The following RIC1 variants were observed in gnomAD, a reference collection of about 807,000 sequenced individuals.
The protein encoded by RIC1 is guanine nucleotide exchange factor subunit RIC1.
A neutral mutation model predicts 169.0 loss-of-function variants in RIC1; 88 were observed. That is an observed-to-expected ratio of 0.52 (90% CI 0.44 to 0.62). RIC1 has a LOEUF of 0.62. RIC1 is among the 20% of genes least tolerant of loss of function. The pLI is 0.00. For missense variants in RIC1, 1,877 were observed against 1,725.5 expected (o/e 1.09, Z -1.56); for synonymous variants, 790 against 601.5 (o/e 1.31, Z -4.59).
chr9:5,725,813 T>G (rs570503220), intron 6 of RIC1, among the ~76,000 whole-genome samples: 1 of 152,358 alleles, frequency 6.6e-6, no homozygotes, highest in East Asian at 1.9e-4. Flanking sequence ...CATTTCGTTA[T>G]GTACCCAGTA....
intron 3 of RIC1, among the ~76,000 whole-genome samples, chr9:5,694,429 G>A (rs1007482744): frequency 2.0e-5 from 3 of 152,128 alleles, no homozygotes; most frequent in Non-Finnish European, 4.4e-5. Flanking sequence ...AAGTATGTTA[G>A]TGATCTTGAT....
At chr9:5,681,147 G>A (rs919657420) in intron 2 of RIC1, among the ~76,000 whole-genome samples, 7 of 151,726 alleles carry the variant, frequency 4.6e-5, no homozygotes, top group African/African-American at 9.7e-5. Flanking sequence ...AGGTTTTTTT[G>A]TGTCTCTATT....
At chr9:5,655,178 G>A (rs1255591688) in intron 1 of RIC1, among the ~76,000 whole-genome samples, 2 of 152,190 alleles carry the variant, frequency 1.3e-5, no homozygotes, top group East Asian at 1.9e-4. Context: ...GCAGGAAAGC[G>A]TTGAGCTGTA....
Position 5,765,552 on chromosome 9 carries a change from C to T in RIC1, c.2980C>T (p.Pro994Ser), listed in dbSNP as rs779573526. 2 of 1,610,524 alleles carry T rather than the reference C, an allele frequency of 1.2e-6. No homozygotes were observed. Among genetic ancestry groups the T allele is most frequent in the African/African-American group, 2.7e-5 (2 of 73,714 alleles). Residue 994 changes from proline to serine, a missense_variant, in exon 20 of 26, where the codon CCA becomes TCA. Physicochemically the swap from Pro to Ser is moderately conservative, Grantham distance 74. This residue lies in a region of RIC1 where 681 missense variants were observed against 582.0 expected (regional missense o/e 1.17). Coordinates refer to ENST00000414202, the MANE Select transcript of RIC1 (RefSeq NM_020829.4). ...AIGSGESETP[P>S]STPTAQEPSS... ...TGGCTCTGGAGAATCTGAGACACCT[C>T]CATCCACACCCACAGCTCAGGTTAG...
At chr9:5,684,174 C>T (rs574423078) in intron 2 of RIC1, among the ~76,000 whole-genome samples, 1 of 149,336 alleles carries the variant, frequency 6.7e-6, no homozygotes, top group African/African-American at 2.5e-5. Context: ...GTGAGATGAA[C>T]CCGGCATCTC....
chr9:5,696,409 C>G (rs751403726), intron 3 of RIC1, among the ~76,000 whole-genome samples: 1 of 152,076 alleles, frequency 6.6e-6, no homozygotes, highest in Non-Finnish European at 1.5e-5. Flanking sequence ...CCCCTGCTAT[C>G]TTTTTTTATG....
intron 2 of RIC1, among the ~76,000 whole-genome samples, chr9:5,685,850 T>C (rs1310073079): frequency 1.5e-5 from 2 of 134,270 alleles, no homozygotes; most frequent in African/African-American, 5.2e-5. Context: ...ACCTACAACA[T>C]GGGAGAAAAT....
chr9:5,693,040 C>T (rs1047318475), intron 3 of RIC1, among the ~76,000 whole-genome samples: 1 of 152,050 alleles, frequency 6.6e-6, no homozygotes, highest in Non-Finnish European at 1.5e-5. Flanking sequence ...AATATACTGT[C>T]TCAACCCTGT....
At chr9:5,663,153 A>C (rs1032154447) in intron 2 of RIC1, among the ~76,000 whole-genome samples, 1 of 152,088 alleles carries the variant, frequency 6.6e-6, no homozygotes, top group Non-Finnish European at 1.5e-5. Flanking sequence ...TGAATTTCTT[A>C]ATTCTTCTGA....
rs1192999581 is a variant in RIC1, at chr9:5,769,030, T to C, written c.3198T>C (p.His1066=). 9.3e-6 allele frequency: 15 copies of C among 1,614,096 alleles called. No homozygotes were observed. Among genetic ancestry groups the C allele is most frequent in the Non-Finnish European group, 1.2e-5 (14 of 1,179,974 alleles). The change falls in exon 22 of 26, where the codon CAT becomes CAC. Residue 1066 remains histidine (H), a synonymous_variant. Transcript: ENST00000414202. ...NMYIDMMLWR[H]ARRLLEDVRL... ...ATATTGACATGATGCTCTGGAGACA[T>C]GCTCGGCGCCTCTTAGAAGATGTGA...
chr9:5,738,985 T>C (rs536835616), intron 8 of RIC1, among the ~76,000 whole-genome samples: 170 of 152,246 alleles, frequency 1.1e-3, no homozygotes, highest in African/African-American at 4.0e-3. Flanking sequence ...CCATTTTGTA[T>C]TTAAATTTTG....
intron 8 of RIC1, among the ~76,000 whole-genome samples, chr9:5,742,376 T>C (rs529982619): frequency 4.4e-4 from 67 of 152,318 alleles, no homozygotes; most frequent in Non-Finnish European, 7.9e-4. Context: ...TTAAGTATTC[T>C]ATTCACCATC....
rs1312733503 is a variant in RIC1, at chr9:5,769,213, C to G, written c.3381C>G (p.Ala1127=). ...DFLWPLPIIP[A]SSISSPFKNG... ...TGTGGCCACTTCCAATCATCCCAGC[C>G]TCTTCTATCAGTTCTCCTTTCAAAA... is the stretch of plus-strand genomic sequence containing the variant. The change falls in exon 22 of 26, where the codon GCC becomes GCG. Residue 1127 remains alanine, a synonymous_variant. Coordinates refer to ENST00000414202, the MANE Select transcript of RIC1 (RefSeq NM_020829.4). 2.5e-6 allele frequency: 4 copies of G among 1,614,024 alleles called. No individual in the cohort carries two copies. Among genetic ancestry groups the G allele is most frequent in the Non-Finnish European group, 3.4e-6 (4 of 1,180,004 alleles).
At chr9:5,630,503 A>T (rs1380255627) in intron 1 of RIC1, among the ~76,000 whole-genome samples, 1 of 152,146 alleles carries the variant, frequency 6.6e-6, no homozygotes, top group Non-Finnish European at 1.5e-5. Context: ...TTGCTGTTCC[A>T]TTACCTGTAA....
chr9:5,697,555 T>G (rs887440554), intron 3 of RIC1, among the ~76,000 whole-genome samples: 1 of 148,864 alleles, frequency 6.7e-6, no homozygotes, highest in African/African-American at 2.6e-5. Flanking sequence ...AAGATATCAT[T>G]ATTTCATTTC....
intron 2 of RIC1, among the ~76,000 whole-genome samples, chr9:5,673,144 C>G (rs1298115403): frequency 6.6e-6 from 1 of 151,922 alleles, no homozygotes; most frequent in Non-Finnish European, 1.5e-5. Flanking sequence ...ACCATACCAT[C>G]CATGTTAGGT....
chr9:5,635,910 T>G (rs1049040355), intron 1 of RIC1, among the ~76,000 whole-genome samples: 1 of 152,262 alleles, frequency 6.6e-6, no homozygotes, highest in Non-Finnish European at 1.5e-5. Flanking sequence ...CTGAATCTAT[T>G]CAACCTTTCT....
intron 1 of RIC1, among the ~76,000 whole-genome samples, chr9:5,650,998 A>ATT (rs1818770607): frequency 6.6e-6 from 1 of 152,138 alleles, no homozygotes; most frequent in African/African-American, 2.4e-5. Flanking sequence ...TGGACTGAAA[A>ATT]TGACACCATG....
intron 21 of RIC1, 103 bp downstream of exon 21, chr9:5,765,901 A>C (rs1352844361): frequency 1.4e-6 from 2 of 1,388,794 alleles, no homozygotes; most frequent in Non-Finnish European, 2.0e-6. Flanking sequence ...TATTTAATCC[A>C]ATTGCAGTTT....
Sources: gnomAD v4.1 joint callset for allele counts (sites outside exome capture counted in the v4.1 genomes callset) on GRCh38, gnomAD v4.1.1 for gene constraint, gnomAD v4.1.1 regional missense constraint, MANE v1.5 for transcripts, NCBI Gene and HGNC (gene_info 2026-07-23, HGNC 2026-07-21) for gene names.